Variants in SLC25A47 observed in about 807,000 individuals in gnomAD.
SLC25A47 encodes solute carrier family 25 member 47, also known as HCC-down-regulated mitochondrial carrier protein.
SLC25A47 carries 30 observed loss-of-function variants against 29.8 expected under a neutral mutation model. The ratio of observed to expected loss-of-function variants is 1.01; its 90% CI spans 0.75 to 1.36. The LOEUF (loss-of-function observed/expected upper bound fraction) is 1.36. Ranked by LOEUF, SLC25A47 falls within the 40% of genes most tolerant of loss-of-function variation. SLC25A47 has a pLI of 0.00. For missense variants in SLC25A47, 430 were observed against 441.9 expected (o/e 0.97, Z 0.24); for synonymous variants, 204 against 197.8 (o/e 1.03, Z -0.26).
chr14:100,328,804 C>G lies in SLC25A47; in HGVS notation c.406C>G (p.Leu136Val), dbSNP rs2139847988. The G allele has an allele frequency of 2.5e-6, 4 of 1,612,866 alleles. No individual in the cohort carries two copies. The South Asian group carries it at 3.3e-5, about 13-fold the overall frequency. Residue 136 changes from leucine (L) to valine (V), a missense_variant, in exon 5 of 6, where the codon CTT (leucine) becomes GTT (valine). By Grantham distance (32) the Leu-to-Val change is conservative. Transcript: ENST00000361529. ...QTQAQKQQRR[L>V]SASGPLAVPP... ...ACAGGCGCAGAAGCAGCAGCGGCGG[C>G]TTTCGGCCTCGGGGCCGTTGGCTGT... is the stretch of plus-strand genomic sequence containing the variant.
chr14:100,325,564 C>T (rs1010898731), intron 1 of SLC25A47, among the ~76,000 whole-genome samples: 3 of 152,216 alleles, frequency 2.0e-5, no homozygotes, highest in African/African-American at 7.2e-5. Context: ...GGAAGGGGAA[C>T]TTGCTTGCAA....
rs755317439 is a variant in SLC25A47 at position 100,329,634 on chromosome 14, C to A, written c.916C>A (p.Leu306Met). 2.5e-6 allele frequency: 4 copies of A among 1,610,572 alleles called. No individual in the cohort carries two copies. In the Admixed American group the frequency reaches 6.7e-5, roughly 27 times the overall value. The change falls in exon 6 of 6, where the codon CTG becomes ATG. Residue 306 changes from leucine (L) to methionine (M), a missense_variant. Leu to Met is a conservative substitution (Grantham distance 15). Coordinates refer to ENST00000361529, the MANE Select transcript of SLC25A47 (RefSeq NM_207117.4). Reference protein sequence around the residue: ...YEAVLRLARGLLT With the variant: ...YEAVLRLARGMLT ...GGCAGTGCTGAGGCTCGCCCGGGGTCTGCTCACATAGCCGGTCCCCACGCC... is the reference window on the plus strand; with the variant it reads ...GGCAGTGCTGAGGCTCGCCCGGGGTATGCTCACATAGCCGGTCCCCACGCC...
intron 5 of SLC25A47, 50 bp downstream of exon 5, chr14:100,329,094 AGGTCAAGGT>A: frequency 6.3e-7 from 1 of 1,576,124 alleles, no homozygotes; most frequent in South Asian, 1.1e-5. Flanking sequence ...AAGGATGAGG[AGGTCAAGGT>A]GAGGTCGTGC....
chr14:100,328,587 C>T (rs1249049501), intron 4 of SLC25A47, 139 bp from the exon 5 acceptor site: 4 of 859,834 alleles, frequency 4.7e-6, no homozygotes, highest in Admixed American at 2.6e-5. Flanking sequence ...CCGTGGCCCC[C>T]CAGCCCTGGG....
intron 4 of SLC25A47, 88 bp downstream of exon 4, chr14:100,327,458 G>A (rs989446076): frequency 7.1e-7 from 1 of 1,402,138 alleles, no homozygotes. Context: ...GGAAACTGAG[G>A]CTTGATGAGG....
intron 1 of SLC25A47, among the ~76,000 whole-genome samples, chr14:100,324,044 A>G (rs1432489970): frequency 6.6e-6 from 1 of 152,060 alleles, no homozygotes; most frequent in East Asian, 1.9e-4. Context: ...GCCCTGGGAC[A>G]CGGGCTCAGC....
rs1326814254 is a variant in SLC25A47 at position 100,323,442 on chromosome 14, G to T, written c.28G>T (p.Gly10Cys). ...GGATTTTGTCGCTGGAGCCATCGGA[G>T]GTAACAGACAGGATGGTGGGCTGTG... MDFVAGAIG[G>C]VCGVAVGYPL... is the part of the protein sequence containing the mutation. Residue 10 changes from glycine (G) to cysteine (C), a missense_variant and splice_region_variant, in exon 1 of 6, where the codon GGC (glycine) becomes TGC (cysteine). Coordinates refer to ENST00000361529, the MANE Select transcript of SLC25A47 (RefSeq NM_207117.4). The T allele has an allele frequency of 1.2e-6, 2 of 1,613,720 alleles. No individual in the cohort carries two copies. Among genetic ancestry groups the T allele is most frequent in the African/African-American group, 2.7e-5 (2 of 74,926 alleles).
chr14:100,326,485 A>G (rs1893342178), intron 3 of SLC25A47, among the ~76,000 whole-genome samples: 1 of 152,166 alleles, frequency 6.6e-6, no homozygotes, highest in African/African-American at 2.4e-5. Flanking sequence ...AAGTCGGAGG[A>G]GGGACCCATG....
rs557310648 is a variant in SLC25A47, at chr14:100,329,941, A to G, written c.*296A>G. The G allele has an allele frequency of 6.1e-4, 281 of 458,622 alleles. 1 individual carries two copies. Among genetic ancestry groups the G allele is most frequent in the Non-Finnish European group, 1.0e-3 (256 of 252,926 alleles). 28.4% of individuals were successfully genotyped at this position (458,622 alleles called of 1,614,324 possible). A position where few individuals can be genotyped will look rare whatever the true frequency, so the allele number is the denominator to read the frequency against. On this transcript the variant is annotated 3_prime_UTR_variant, in exon 6 of 6. Transcript: ENST00000361529. ...TTGCATGGAGTCGGTTGTTCATCCC[A>G]GCCTCCCCATGGCCCTCGCCTCCCA...
intron 4 of SLC25A47, among the ~76,000 whole-genome samples, chr14:100,328,112 A>ATTTT (rs33989395): frequency 2.2e-4 from 31 of 140,912 alleles, no homozygotes; most frequent in African/African-American, 7.1e-4. Context: ...ATGTCTAGTG[A>ATTTT]TTTTTTTTTT....
chr14:100,323,707 G>A (rs1301235272), intron 1 of SLC25A47, among the ~76,000 whole-genome samples: 1 of 152,084 alleles, frequency 6.6e-6, no homozygotes, highest in South Asian at 2.1e-4. Flanking sequence ...AGGCATGGGG[G>A]CCGCTCGGGA....
chr14:100,325,810 C>T lies in SLC25A47; in HGVS notation c.51C>T (p.Gly17=). The T allele has an allele frequency of 6.2e-7, 1 of 1,612,844 alleles. No individual in the cohort carries two copies. Among genetic ancestry groups the T allele is most frequent in the South Asian group, 1.1e-5 (1 of 90,700 alleles). Residue 17 remains glycine, a synonymous_variant, in exon 2 of 6, where the codon GGC becomes GGT. Coordinates refer to ENST00000361529, the MANE Select transcript of SLC25A47 (RefSeq NM_207117.4). The stretch of plus-strand genomic sequence containing the variant: ...CAGGCGTCTGCGGTGTTGCTGTGGG[C>T]TACCCCCTGGACACGGTGAAGGTGC... ...AIGGVCGVAV[G]YPLDTVKVRI...
At chr14:100,326,041 G>A in intron 2 of SLC25A47, 116 bp from the exon 3 acceptor site, 2 of 1,025,390 alleles carry the variant, frequency 2.0e-6, no homozygotes, top group Non-Finnish European at 2.9e-6. Flanking sequence ...TCCCTGCTGT[G>A]CCACCGTCCA....
At position 100,328,038 on chromosome 14, in the gene SLC25A47, T is replaced by G. The variant is rs114932003; in HGVS notation, c.327+668T>G. ...TGAGAATTTAGTGAAATCATGAGGG[T>G]AAAGCCCCCAGCACACATATGTGGA... is the stretch of plus-strand genomic sequence containing the variant. On this transcript the variant is annotated intron_variant, in intron 4 of 5. Coordinates refer to ENST00000361529, the MANE Select transcript of SLC25A47 (RefSeq NM_207117.4). Among the ~76,000 whole-genome samples, 588 of 151,904 alleles carry G rather than the reference T, an allele frequency of 3.9e-3. 4 individuals are homozygous for G. The highest frequency in any genetic ancestry group is 0.014 in the African/African-American group (563 of 41,430).
Position 100,329,533 on chromosome 14 carries a change from G to C in SLC25A47, c.815G>C (p.Arg272Pro). 6.2e-7 allele frequency: 1 copy of C among 1,613,550 alleles called. No individual in the cohort carries two copies. Among genetic ancestry groups the C allele is most frequent in the South Asian group, 1.1e-5 (1 of 91,078 alleles). The change falls in exon 6 of 6, where the codon CGG becomes CCG. Residue 272 changes from arginine (R) to proline (P), a missense_variant. By Grantham distance (103) the Arg-to-Pro change is moderately radical (BLOSUM62 -2). Coordinates refer to ENST00000361529, the MANE Select transcript of SLC25A47 (RefSeq NM_207117.4). The stretch of plus-strand genomic sequence containing the variant: ...ACCAGCGTTCGAGAGGAGGGACCCC[G>C]GGTCCTTTTCAAGGGGCTGGTACTC... ...MVTSVREEGP[R>P]VLFKGLVLNC...
rs1374091563 is a variant in SLC25A47 at position 100,329,928 on chromosome 14, G to C, written c.*283G>C. The C allele has an allele frequency of 2.0e-6, 1 of 489,558 alleles. No individual in the cohort carries two copies. Among genetic ancestry groups the C allele is most frequent in the Non-Finnish European group, 3.7e-6 (1 of 272,162 alleles). The allele number at this position is 489,558 out of a possible 1,614,324, so 30.3% of individuals were successfully genotyped here. A position where few individuals can be genotyped will look rare whatever the true frequency, so the allele number is the denominator to read the frequency against. The stretch of plus-strand genomic sequence containing the variant: ...TGAGAGCGTTGAGTTGCATGGAGTC[G>C]GTTGTTCATCCCAGCCTCCCCATGG... On this transcript the variant is annotated 3_prime_UTR_variant, in exon 6 of 6. Transcript: ENST00000361529.
chr14:100,326,368 A>AGAGGAACCCATGAGAT, intron 3 of SLC25A47, 140 bp downstream of exon 3: 1 of 766,822 alleles, frequency 1.3e-6, no homozygotes, highest in Non-Finnish European at 2.1e-6. Context: ...TGCCAATCTC[A>AGAGGAACCCATGAGAT]TGGGTTCCTC....
chr14:100,327,391 TG>T, intron 4 of SLC25A47, 21 bp downstream of exon 4: 2 of 1,576,016 alleles, frequency 1.3e-6, no homozygotes, highest in African/African-American at 1.3e-5. Flanking sequence ...GCAGCCAGGG[TG>T]GGGAAGGCCC....
Position 100,330,094 on chromosome 14 carries a change from A to C in SLC25A47, c.*449A>C. 1 of 170,950 alleles carries C rather than the reference A, an allele frequency of 5.8e-6. No homozygotes were observed. The highest frequency in any genetic ancestry group is 1.3e-5 in the Non-Finnish European group (1 of 78,952). 10.6% of individuals were successfully genotyped at this position (170,950 alleles called of 1,614,324 possible). On this transcript the variant is annotated 3_prime_UTR_variant, in exon 6 of 6. Transcript: ENST00000361529. ...TGTCCCTTACAGGCAGGGGCTTCCC[A>C]CAGGCTGGGGGCCTCGGGGCGGGGA...
Sources: allele counts gnomAD v4.1 joint callset (sites outside exome capture counted in the v4.1 genomes callset), GRCh38; gene constraint gnomAD v4.1.1; transcripts MANE v1.5; gene names NCBI Gene and HGNC (gene_info 2026-07-23, HGNC 2026-07-21).